OTOG: variants seen among roughly 807,000 people sequenced by gnomAD.
OTOG encodes otogelin.
In OTOG, 296 loss-of-function variants were observed where a neutral mutation model predicts 313.8. The ratio of observed to expected loss-of-function variants is 0.94; its 90% CI spans 0.86 to 1.04. The LOEUF is 1.04. Ranked by LOEUF, OTOG falls within the 50% of genes least tolerant of loss-of-function variation. The probability of loss-of-function intolerance (pLI) is 0.00; values close to 1 mark genes in which losing one functional copy is unlikely to be tolerated. For synonymous variants in OTOG, 1,533 were observed against 1,554.9 expected (o/e 0.99, Z 0.33); for missense variants, 3,948 against 3,840.1 (o/e 1.03, Z -0.74).
At chr11:17,629,358 G>A (rs763705462) in intron 40 of OTOG, 42 bp downstream of exon 40, 68 of 1,510,124 alleles carry the variant, frequency 4.5e-5, no homozygotes, top group Non-Finnish European at 5.7e-5. Flanking sequence ...TGCTTCCCAG[G>A]TCCACCTCTG....
intron 39 of OTOG, among the ~76,000 whole-genome samples, chr11:17,614,212 G>A (rs1041351453): frequency 2.0e-5 from 3 of 152,132 alleles, no homozygotes; most frequent in Non-Finnish European, 2.9e-5. Flanking sequence ...GGTGGGCAAA[G>A]GGTACTGATC....
chr11:17,638,348 G>A (rs151159432), intron 47 of OTOG, 103 bp from the exon 48 acceptor site: 39 of 996,252 alleles, frequency 3.9e-5, no homozygotes, highest in Middle Eastern at 4.2e-4. Context: ...GGTCACTAAG[G>A]AGGAGCTGGG....
chr11:17,642,250 A>G lies in OTOG; in HGVS notation c.8415+4A>G. The G allele has an allele frequency of 6.5e-7, 1 of 1,546,964 alleles. No individual in the cohort carries two copies. The highest frequency in any genetic ancestry group is 8.7e-7 in the Non-Finnish European group (1 of 1,144,810). On this transcript the variant is annotated splice_donor_region_variant and intron_variant, in intron 53 of 55. Transcript: ENST00000399397. ...CAATGAGACTGAGTGTGCCAAGGTC[A>G]GTGCCTCCTTCTCCACTGAGGCTGT...
At chr11:17,560,473 G>A (rs1852156778) in intron 12 of OTOG, among the ~76,000 whole-genome samples, 4 of 152,226 alleles carry the variant, frequency 2.6e-5, no homozygotes, top group Admixed American at 2.6e-4. Flanking sequence ...CTCGTGTGCA[G>A]GTTGGGGATG....
chr11:17,610,839 C>T lies in OTOG; in HGVS notation c.5539C>T (p.Pro1847Ser). ...ATTLPAQTLS[P>S]VLPFTPAAMT... is the part of the protein sequence containing the mutation. ...GACTCTGCCTGCTCAGACACTTAGC[C>T]CAGTACTGCCTTTCACTCCAGCAGC... Residue 1847 changes from proline to serine, a missense_variant, in exon 36 of 56, where the codon CCA becomes TCA. Physicochemically the swap from Pro to Ser is moderately conservative, Grantham distance 74 (BLOSUM62 -1). Coordinates refer to ENST00000399397, the MANE Select transcript of OTOG (RefSeq NM_001292063.2). 3 of 1,550,990 alleles carry T rather than the reference C, an allele frequency of 1.9e-6. No homozygotes were observed. Among genetic ancestry groups the T allele is most frequent in the Non-Finnish European group, 1.7e-6 (2 of 1,147,038 alleles).
At chr11:17,609,553 CGA>C in intron 35 of OTOG, 100 bp from the exon 36 acceptor site, 1 of 1,099,012 alleles carries the variant, frequency 9.1e-7, no homozygotes, top group Non-Finnish European at 1.3e-6. Context: ...ACCCCATCAC[CGA>C]GAGTGCCAGT....
chr11:17,642,316 G>C, intron 53 of OTOG, 70 bp downstream of exon 53: 2 of 1,489,204 alleles, frequency 1.3e-6, no homozygotes, highest in Non-Finnish European at 1.8e-6. Context: ...GTGGGGTGGA[G>C]GTCCTGTGTG....
At position 17,578,511 on chromosome 11, in the gene OTOG, G is replaced by C; in HGVS notation, c.2744G>C (p.Cys915Ser). 1 of 1,536,574 alleles carries C rather than the reference G, an allele frequency of 6.5e-7. No individual in the cohort carries two copies. The highest frequency in any genetic ancestry group is 2.4e-5 in the East Asian group (1 of 40,888). The stretch of plus-strand genomic sequence containing the variant: ...GCCCGTGGCCCCTGCCTCTCGGGCT[G>C]CGCCTGTCCCCAGGGGTAAGTACCC... ...VSARGPCLSG[C>S]ACPQGLLRHG... Residue 915 changes from cysteine to serine, a missense_variant, in exon 23 of 56, where the codon TGC becomes TCC. Cys to Ser is a moderately radical substitution (Grantham distance 112). Coordinates refer to ENST00000399397, the MANE Select transcript of OTOG (RefSeq NM_001292063.2).
intron 3 of OTOG, among the ~76,000 whole-genome samples, chr11:17,548,468 G>C (rs977750395): frequency 7.9e-6 from 1 of 127,386 alleles, no homozygotes. Context: ...GGAGAGGTGG[G>C]CACCAGGGCT....
At chr11:17,587,642 A>G (rs1852829951) in intron 24 of OTOG, among the ~76,000 whole-genome samples, 1 of 152,204 alleles carries the variant, frequency 6.6e-6, no homozygotes, top group African/African-American at 2.4e-5. Flanking sequence ...AAGCAGGGTC[A>G]CGGTCAAGCC....
rs74664097 is a variant in OTOG, at chr11:17,556,613, T to C, written c.660-505T>C. ...CTCCTGTGAATGAAGAGTTGGTAAA[T>C]GGGTCTTGTGGCTAGTTAGACAGTA... On this transcript the variant is annotated intron_variant, in intron 7 of 55. Transcript: ENST00000399397. 7.9e-3 allele frequency among the ~76,000 whole-genome samples: 1,210 copies of C among 152,326 alleles called. 20 individuals carry two copies. Among genetic ancestry groups the C allele is most frequent in the African/African-American group, 0.028 (1,158 of 41,568 alleles).
At chr11:17,624,678 T>C (rs1328627259) in intron 39 of OTOG, among the ~76,000 whole-genome samples, 1 of 152,194 alleles carries the variant, frequency 6.6e-6, no homozygotes, top group African/African-American at 2.4e-5. Context: ...AGTTTTTTTT[T>C]CTAGTTCTGT....
Position 17,610,530 on chromosome 11 carries a change from C to T in OTOG, c.5230C>T (p.Pro1744Ser). Residue 1744 changes from proline to serine, a missense_variant, in exon 36 of 56, where the codon CCA becomes TCA. Pro to Ser is a moderately conservative substitution (Grantham distance 74, BLOSUM62 -1). Transcript: ENST00000399397. ...CTCGCCTGCCTCCCCACAGCCACAC[C>T]CACTCCCCTCTGCACCACCCCGCCC... The part of the protein sequence containing the change: ...MGSPASPQPH[P>S]LPSAPPRPAQ... 1 of 1,550,648 alleles carries T rather than the reference C, an allele frequency of 6.4e-7. No homozygotes were observed. Among genetic ancestry groups the T allele is most frequent in the Non-Finnish European group, 8.7e-7 (1 of 1,146,958 alleles).
At chr11:17,613,195 T>TTTCTTTCTTTCTTTCTTTCTTTCTTTC (rs1401646180) in intron 38 of OTOG, among the ~76,000 whole-genome samples, 5 of 65,328 alleles carry the variant, frequency 7.7e-5, no homozygotes, top group Non-Finnish European at 1.2e-4. Flanking sequence ...TCTTTCTTTC[T>TTTCTTTCTTTCTTTCTTTCTTTCTTTC]TTTCTTTCTT....
chr11:17,642,298 C>T, intron 53 of OTOG, 52 bp downstream of exon 53: 1 of 1,510,506 alleles, frequency 6.6e-7, no homozygotes, highest in Non-Finnish European at 8.9e-7. Context: ...TCAGCTGTCT[C>T]ACTGGTGGTG....
At chr11:17,584,180 A>G (rs1335393303) in intron 23 of OTOG, among the ~76,000 whole-genome samples, 1 of 152,192 alleles carries the variant, frequency 6.6e-6, no homozygotes, top group Non-Finnish European at 1.5e-5. Context: ...AAATTCATTT[A>G]TGAGTTCTAG....
intron 28 of OTOG, 30 bp from the exon 29 acceptor site, chr11:17,596,008 G>A (rs1853090920): frequency 1.4e-6 from 2 of 1,465,666 alleles, no homozygotes; most frequent in Admixed American, 2.0e-5. Context: ...GGCAAGTAGG[G>A]AGGTCAACAG....
chr11:17,610,423 C>T lies in OTOG; in HGVS notation c.5123C>T (p.Pro1708Leu). ...TVAGTAAEQV[P>L]VSPLATRSLE... is the part of the protein sequence containing the mutation. ...GCTGGAACAGCAGCAGAACAGGTTC[C>T]TGTCAGTCCCCTTGCAACCAGGAGC... Residue 1708 changes from proline (P) to leucine (L), a missense_variant, in exon 36 of 56, where the codon CCT becomes CTT. By Grantham distance (98) the Pro-to-Leu change is moderately conservative. Transcript: ENST00000399397. 6.4e-7 allele frequency: 1 copy of T among 1,550,578 alleles called. No homozygotes were observed. Among genetic ancestry groups the T allele is most frequent in the Non-Finnish European group, 8.7e-7 (1 of 1,146,948 alleles).
chr11:17,559,505 T>C, intron 11 of OTOG, 29 bp from the exon 12 acceptor site: 1 of 1,550,426 alleles, frequency 6.4e-7, no homozygotes, highest in Admixed American at 2.0e-5. Flanking sequence ...GGCCAGTAGC[T>C]GAGAGACCAT....
Sources: gnomAD v4.1 joint callset for allele counts (sites outside exome capture counted in the v4.1 genomes callset) on GRCh38, gnomAD v4.1.1 for gene constraint, MANE v1.5 for transcripts, NCBI Gene and HGNC (gene_info 2026-07-23, HGNC 2026-07-21) for gene names.